TCERG1L: variants seen among roughly 807,000 people sequenced by gnomAD.
TCERG1L encodes transcription elongation regulator 1-like protein.
TCERG1L carries 37 observed loss-of-function variants against 56.3 expected under a neutral mutation model. That is an observed-to-expected ratio of 0.66 (90% CI 0.51 to 0.87). The LOEUF (loss-of-function observed/expected upper bound fraction) is 0.87, where lower values mean the gene tolerates loss of function less well. TCERG1L is among the 40% of genes least tolerant of loss of function. The pLI, the probability that TCERG1L is intolerant of heterozygous loss-of-function variation, is 0.00. For synonymous variants in TCERG1L, 324 were observed against 326.3 expected, an observed-to-expected ratio of 0.99 and a Z score of 0.08; for missense variants, 799 against 774.2, an observed-to-expected ratio of 1.03 and a Z score of -0.38.
At chr10:131,291,173 A>G (rs1729433809) in intron 3 of TCERG1L, among the ~76,000 whole-genome samples, 1 of 152,134 alleles carries the variant, frequency 6.6e-6, no homozygotes, top group Non-Finnish European at 1.5e-5. Context: ...TATTTTTATT[A>G]TAATATTAGA....
intron 4 of TCERG1L, among the ~76,000 whole-genome samples, chr10:131,249,399 C>T (rs1465474832): frequency 2.0e-5 from 3 of 151,216 alleles, no homozygotes; most frequent in African/African-American, 7.3e-5. Context: ...CTTCCACAGC[C>T]CTGACAATGG....
At chr10:131,136,677 G>A (rs1327655835) in intron 7 of TCERG1L, among the ~76,000 whole-genome samples, 1 of 151,938 alleles carries the variant, frequency 6.6e-6, no homozygotes, top group Non-Finnish European at 1.5e-5. Flanking sequence ...TGTGTTTTTA[G>A]TAGAGACAGG....
intron 3 of TCERG1L, among the ~76,000 whole-genome samples, chr10:131,279,527 A>G (rs1298263302): frequency 6.6e-6 from 1 of 152,234 alleles, no homozygotes; most frequent in Non-Finnish European, 1.5e-5. Context: ...GCCAAGTGAC[A>G]GAACCCTGGA....
chr10:131,261,339 T>C (rs555941306), intron 3 of TCERG1L, among the ~76,000 whole-genome samples: 1 of 152,376 alleles, frequency 6.6e-6, no homozygotes, highest in East Asian at 1.9e-4. Context: ...TTTGGAAATA[T>C]GTTTCTAAAA....
At chr10:131,095,229 C>T (rs10159796) in intron 11 of TCERG1L, 13,474 of 149,846 alleles carry the variant, frequency 0.09, 618 homozygotes, top group African/African-American at 0.11. Flanking sequence ...CCAACCCCAC[C>T]GGACGGCCAA....
chr10:131,253,938 T>C (rs1373829636), intron 4 of TCERG1L, among the ~76,000 whole-genome samples: 3 of 152,096 alleles, frequency 2.0e-5, no homozygotes, highest in African/African-American at 7.2e-5. Flanking sequence ...CCGAAGAGAA[T>C]TGCCGGCGAT....
In TCERG1L at chr10:131,248,444, A is replaced by ATC. The variant is rs147556986; in HGVS notation, c.856+11813_856+11814dup. Among the ~76,000 whole-genome samples, 22 of 150,494 alleles carry ATC rather than the reference A, an allele frequency of 1.5e-4. No individual in the cohort carries two copies. The South Asian group carries it at 1.7e-3, about 11-fold the overall frequency. Reference sequence around the variant, plus strand: ...TTAAGTCACAAAGCACACCAGGCTGATCTCTCTCTCTCTCTCTGCCCTCCT... The same window carrying ATC: ...TTAAGTCACAAAGCACACCAGGCTGATCTCTCTCTCTCTCTCTCTGCCCTCCT... On this transcript the variant is annotated intron_variant, in intron 4 of 11. Transcript: ENST00000368642.
intron 4 of TCERG1L, among the ~76,000 whole-genome samples, chr10:131,257,047 A>AAGAAAGAG (rs1846180164): frequency 6.7e-6 from 1 of 148,342 alleles, no homozygotes; most frequent in East Asian, 1.9e-4. Flanking sequence ...GAAAGAAAGA[A>AAGAAAGAG]AGAAAGAAAA....
rs1225188389 is a variant in TCERG1L, at chr10:131,311,513, C to T, written c.123G>A (p.Trp41Ter). Residue 41 changes from tryptophan (W) to a stop codon, truncating the protein, a stop_gained, in exon 1 of 12, where the codon TGG (tryptophan) becomes TGA (stop). Coordinates refer to ENST00000368642, the MANE Select transcript of TCERG1L (RefSeq NM_174937.4). LOFTEE classifies it high-confidence loss of function. This position sits in a 1 kb window ranked among gnomAD's most constrained non-coding sequence, Gnocchi z 4.0. The part of the protein sequence containing the change: ...AEPPPPPPWV[W>*]MVPGSAGLLR... The stretch of plus-strand genomic sequence containing the variant: ...GCAGCCCGGCCGAGCCCGGCACCAT[C>T]CAGACCCAGGGCGGCGGCGGCGGCG... 3 of 1,207,094 alleles carry T rather than the reference C, an allele frequency of 2.5e-6. No homozygotes were observed. In the South Asian group the frequency reaches 9.1e-5, roughly 37 times the overall value. 74.8% of individuals were successfully genotyped at this position (1,207,094 alleles called of 1,614,324 possible).
At chr10:131,169,828 G>A (rs937853573) in intron 4 of TCERG1L, among the ~76,000 whole-genome samples, 9 of 152,198 alleles carry the variant, frequency 5.9e-5, no homozygotes, top group African/African-American at 2.2e-4. Flanking sequence ...CAGCCTGCGA[G>A]GAGGCCGTAA....
chr10:131,197,666 T>C (rs953440123), intron 4 of TCERG1L, among the ~76,000 whole-genome samples: 4 of 152,128 alleles, frequency 2.6e-5, no homozygotes, highest in African/African-American at 9.7e-5. Context: ...TGGCCCAAAA[T>C]TGAACACGTG....
intron 8 of TCERG1L, among the ~76,000 whole-genome samples, chr10:131,124,996 C>T (rs908204114): frequency 3.9e-5 from 6 of 152,218 alleles, no homozygotes; most frequent in African/African-American, 1.4e-4. Context: ...TGTGTCAAAC[C>T]TTCTCCTCAT....
chr10:131,212,230 C>G (rs1845627534), intron 4 of TCERG1L, among the ~76,000 whole-genome samples: 1 of 152,188 alleles, frequency 6.6e-6, no homozygotes, highest in Non-Finnish European at 1.5e-5. Context: ...CAGGGCAAGA[C>G]AGCAGCTCTC....
intron 4 of TCERG1L, among the ~76,000 whole-genome samples, chr10:131,202,393 G>A (rs1013146289): frequency 3.3e-5 from 5 of 152,232 alleles, no homozygotes; most frequent in South Asian, 2.1e-4. Context: ...ACCAGTCTGC[G>A]CAACATGGTG....
intron 4 of TCERG1L, among the ~76,000 whole-genome samples, chr10:131,195,190 G>C (rs1845345449): frequency 6.6e-6 from 1 of 152,206 alleles, no homozygotes; most frequent in Non-Finnish European, 1.5e-5. Context: ...CATGACATGA[G>C]ATCATCTTAG....
intron 3 of TCERG1L, among the ~76,000 whole-genome samples, chr10:131,303,026 G>A (rs1356283772): frequency 6.6e-6 from 1 of 151,806 alleles, no homozygotes; most frequent in Admixed American, 6.6e-5. Context: ...CCAGTCTATC[G>A]TTGATGGGCA....
chr10:131,300,560 G>T (rs1236371970), intron 3 of TCERG1L, among the ~76,000 whole-genome samples: 1 of 151,926 alleles, frequency 6.6e-6, no homozygotes, highest in Non-Finnish European at 1.5e-5. Flanking sequence ...ATTTTAATTT[G>T]ACTTTCTTAT....
Position 131,103,540 on chromosome 10 carries a change from A to T in TCERG1L, c.1485+725T>A, listed in dbSNP as rs1845323054. The stretch of plus-strand genomic sequence containing the variant: ...ACCACATCTCTACAAAAAGTACAAA[A>T]ATTAGCCAGGCGTGGTGGCTGGAGC... On this transcript the variant is annotated intron_variant, in intron 10 of 11. Coordinates refer to ENST00000368642, the MANE Select transcript of TCERG1L (RefSeq NM_174937.4). The surrounding 1 kb of genome is among the most constrained non-coding windows in gnomAD (Gnocchi z 4.3). Among the ~76,000 whole-genome samples the T allele has an allele frequency of 6.6e-6, 1 of 152,148 alleles. No homozygotes were observed. The highest frequency in any genetic ancestry group is 2.1e-4 in the South Asian group (1 of 4,818).
chr10:131,245,534 C>T (rs975234997), intron 4 of TCERG1L, among the ~76,000 whole-genome samples: 13 of 152,240 alleles, frequency 8.5e-5, no homozygotes, highest in Non-Finnish European at 1.0e-4. Context: ...AACGAGGGGG[C>T]GGCTCTCCGG....
Sources: gnomAD v4.1 joint callset for allele counts (sites outside exome capture counted in the v4.1 genomes callset) on GRCh38, gnomAD v4.1.1 for gene constraint, Gnocchi (gnomAD v3.1) non-coding constraint, MANE v1.5 for transcripts, NCBI Gene and HGNC (gene_info 2026-07-23, HGNC 2026-07-21) for gene names.